CACNA2D3: variants seen among roughly 807,000 people sequenced by gnomAD.
CACNA2D3 encodes voltage-dependent calcium channel subunit alpha-2/delta-3.
A neutral mutation model predicts 160.6 loss-of-function variants in CACNA2D3; 60 were observed. That is an observed-to-expected ratio of 0.37 (90% confidence interval 0.30 to 0.46). The LOEUF is 0.46. Among genes scored for constraint, CACNA2D3 ranks in the 20% least tolerant of loss-of-function variants. CACNA2D3 has a pLI of 1.00. For missense variants in CACNA2D3, 1,205 were observed against 1,365.0 expected, an observed-to-expected ratio of 0.88 and a Z score of 1.85; for synonymous variants, 558 against 492.9, an observed-to-expected ratio of 1.13 and a Z score of -1.75.
chr3:54,962,934 AG>A (rs953601549), intron 27 of CACNA2D3, among the ~76,000 whole-genome samples: 6 of 152,256 alleles, frequency 3.9e-5, no homozygotes, highest in African/African-American at 1.4e-4. Context: ...ATATGAGAAA[AG>A]TTGTTTTATT....
intron 4 of CACNA2D3, among the ~76,000 whole-genome samples, chr3:54,484,719 A>T (rs1230913908): frequency 6.6e-6 from 1 of 152,228 alleles, no homozygotes; most frequent in Non-Finnish European, 1.5e-5. Flanking sequence ...TGAAGTTATT[A>T]TGATGTGGAA....
chr3:54,799,209 T>A (rs566249394), intron 13 of CACNA2D3, among the ~76,000 whole-genome samples: 28 of 152,224 alleles, frequency 1.8e-4, no homozygotes, highest in Admixed American at 9.8e-4. Context: ...GGAGTTGTAC[T>A]TATTTCAGGC....
intron 31 of CACNA2D3, among the ~76,000 whole-genome samples, chr3:54,992,216 C>G (rs541036266): frequency 6.6e-6 from 1 of 152,262 alleles, no homozygotes; most frequent in Admixed American, 6.5e-5. Context: ...CATCAAGACA[C>G]GAGGTTAAAA....
chr3:54,982,467 C>T (rs1407155545), intron 29 of CACNA2D3, among the ~76,000 whole-genome samples: 1 of 152,140 alleles, frequency 6.6e-6, no homozygotes, highest in Non-Finnish European at 1.5e-5. Flanking sequence ...TCAACTGGTG[C>T]ATGCAGATGA....
At chr3:54,308,405 G>A (rs1703656375) in intron 2 of CACNA2D3, among the ~76,000 whole-genome samples, 1 of 152,160 alleles carries the variant, frequency 6.6e-6, no homozygotes, top group African/African-American at 2.4e-5. Flanking sequence ...AGTTCAAGAA[G>A]CAGGTACACT....
intron 2 of CACNA2D3, among the ~76,000 whole-genome samples, chr3:54,224,441 A>G (rs186682898): frequency 8.5e-4 from 129 of 152,318 alleles, no homozygotes; most frequent in Non-Finnish European, 1.3e-3. Flanking sequence ...GCATTGTAAT[A>G]GGTTTGTTTA....
chr3:54,404,672 G>T (rs1366609423), intron 4 of CACNA2D3, among the ~76,000 whole-genome samples: 3 of 151,988 alleles, frequency 2.0e-5, no homozygotes, highest in Non-Finnish European at 4.4e-5. Context: ...TTTCAGATGG[G>T]AACAAAAGAA....
chr3:54,227,018 G>A (rs921924064), intron 2 of CACNA2D3, among the ~76,000 whole-genome samples: 2 of 152,194 alleles, frequency 1.3e-5, no homozygotes, highest in Non-Finnish European at 2.9e-5. Context: ...GCTATGTTTG[G>A]TAGAGAGAGC....
chr3:54,736,022 T>TATATATATGTATATATATAC lies in CACNA2D3; in HGVS notation c.1168-16576_1168-16575insTATATATGTATATATATACA, dbSNP rs1559563474. Reference sequence around the variant, plus strand: ...ATATATATATGTATATATATACACATACATATATATATGTATATATATACA... The same window carrying TATATATATGTATATATATAC: ...ATATATATATGTATATATATACACATATATATATGTATATATATACACATATATATATGTATATATATACA... On this transcript the variant is annotated intron_variant, in intron 11 of 37. Coordinates refer to ENST00000474759, the MANE Select transcript of CACNA2D3 (RefSeq NM_018398.3). Among the ~76,000 whole-genome samples, 47 of 81,522 alleles carry TATATATATGTATATATATAC rather than the reference T, an allele frequency of 5.8e-4. 3 individuals carry two copies. Among genetic ancestry groups the TATATATATGTATATATATAC allele is most frequent in the African/African-American group, 2.9e-3 (46 of 15,908 alleles). The allele number at this position is 81,522 out of a possible 152,430, so 53.5% of individuals were successfully genotyped here.
chr3:54,771,280 C>T (rs1041980623), intron 13 of CACNA2D3, among the ~76,000 whole-genome samples: 1 of 152,196 alleles, frequency 6.6e-6, no homozygotes, highest in Non-Finnish European at 1.5e-5. Context: ...TGCTAGTTCT[C>T]TACTGCCCTT....
intron 9 of CACNA2D3, among the ~76,000 whole-genome samples, chr3:54,601,288 C>T (rs2106773310): frequency 6.6e-6 from 1 of 152,278 alleles, no homozygotes; most frequent in East Asian, 1.9e-4. Flanking sequence ...ACTACAGACT[C>T]AAACTCCTGG....
chr3:54,959,762 G>C (rs1701986520), intron 27 of CACNA2D3, among the ~76,000 whole-genome samples: 1 of 152,142 alleles, frequency 6.6e-6, no homozygotes, highest in African/African-American at 2.4e-5. Context: ...AAATGTATTG[G>C]CTTGAAAACT....
chr3:54,400,838 A>G (rs1699447489), intron 4 of CACNA2D3, among the ~76,000 whole-genome samples: 2 of 152,332 alleles, frequency 1.3e-5, no homozygotes, highest in East Asian at 1.9e-4. Context: ...AGAAACATGA[A>G]AAAGCAAGGA....
chr3:54,469,297 G>C (rs759751880), intron 4 of CACNA2D3, among the ~76,000 whole-genome samples: 7 of 152,216 alleles, frequency 4.6e-5, no homozygotes, highest in Non-Finnish European at 1.0e-4. Context: ...GGTCTGGAGT[G>C]CACCTCCAGC....
At chr3:54,416,357 A>G (rs75438131) in intron 4 of CACNA2D3, among the ~76,000 whole-genome samples, 3,249 of 151,770 alleles carry the variant, frequency 0.021, 112 homozygotes, top group African/African-American at 0.075. Flanking sequence ...GGAGCCCCCA[A>G]TAGGATTCTT....
intron 4 of CACNA2D3, among the ~76,000 whole-genome samples, chr3:54,413,667 T>C (rs1034503018): frequency 1.3e-5 from 2 of 151,370 alleles, no homozygotes; most frequent in Non-Finnish European, 3.0e-5. Flanking sequence ...TCTTCTGTAC[T>C]CTCCAATCTT....
intron 13 of CACNA2D3, among the ~76,000 whole-genome samples, chr3:54,813,718 G>A (rs1021685375): frequency 1.3e-5 from 2 of 152,070 alleles, no homozygotes; most frequent in Non-Finnish European, 2.9e-5. Flanking sequence ...CCCTCATGGA[G>A]TTTGTGACCT....
In CACNA2D3 at chr3:54,210,456, G is replaced by A. The variant is rs74944114; in HGVS notation, c.204+86862G>A. 6.6e-5 allele frequency among the ~76,000 whole-genome samples: 10 copies of A among 152,194 alleles called. No homozygotes were observed. In the East Asian group the frequency reaches 1.9e-3, roughly 29 times the overall value. The stretch of plus-strand genomic sequence containing the variant: ...TGTGTGTGTGTTTGTGTGTGTGTGT[G>A]TGTGTTTAAGATAGCTCATACTGGT... On this transcript the variant is annotated intron_variant, in intron 2 of 37. Transcript: ENST00000474759.
At chr3:54,771,165 GAC>G (rs1702314517) in intron 13 of CACNA2D3, among the ~76,000 whole-genome samples, 1 of 152,144 alleles carries the variant, frequency 6.6e-6, no homozygotes, top group Non-Finnish European at 1.5e-5. Flanking sequence ...GATCTTTCCA[GAC>G]ACAGAGAGAG....
Sources: allele counts gnomAD v4.1 joint callset (sites outside exome capture counted in the v4.1 genomes callset), GRCh38; gene constraint gnomAD v4.1.1; transcripts MANE v1.5; gene names NCBI Gene and HGNC (gene_info 2026-07-23, HGNC 2026-07-21).